Variants in PLEKHG1 observed in about 807,000 individuals in gnomAD.
The protein encoded by PLEKHG1 is pleckstrin homology and RhoGEF domain containing G1.
Under a neutral mutation model 100.8 loss-of-function variants are expected in PLEKHG1, and 44 were observed. That is an observed-to-expected ratio of 0.44 (90% CI 0.34 to 0.56). The LOEUF is 0.56. PLEKHG1 is among the 20% of genes least tolerant of loss of function. The pLI is 0.01. For synonymous variants in PLEKHG1, 640 were observed against 662.5 expected (o/e 0.97, Z 0.52); for missense variants, 1,545 against 1,720.9 (o/e 0.90, Z 1.81).
intron 2 of PLEKHG1, among the ~76,000 whole-genome samples, chr6:150,741,832 C>T (rs1782874581): frequency 6.6e-6 from 1 of 152,208 alleles, no homozygotes; most frequent in Non-Finnish European, 1.5e-5. Context: ...GTACCATAGA[C>T]GTTCTGGACT....
At chr6:150,792,600 A>G (rs1786056182) in intron 4 of PLEKHG1, among the ~76,000 whole-genome samples, 1 of 149,314 alleles carries the variant, frequency 6.7e-6, no homozygotes, top group South Asian at 2.2e-4. Context: ...CTTGAACCCA[A>G]GAGGCAAAGG....
At chr6:150,777,521 G>C (rs1785051945) in intron 3 of PLEKHG1, among the ~76,000 whole-genome samples, 1 of 147,064 alleles carries the variant, frequency 6.8e-6, no homozygotes, top group African/African-American at 2.5e-5. Flanking sequence ...ATGCAATCCT[G>C]GTGCACATGT....
intron 1 of PLEKHG1, among the ~76,000 whole-genome samples, chr6:150,729,985 C>T (rs1286991663): frequency 2.6e-5 from 4 of 152,166 alleles, no homozygotes. Flanking sequence ...GTTTTTATTC[C>T]TCTTTAATCC....
At chr6:150,619,093 A>C (rs1777188306) in intron 1 of PLEKHG1, among the ~76,000 whole-genome samples, 1 of 152,142 alleles carries the variant, frequency 6.6e-6, no homozygotes. Context: ...AAAAAAAGAA[A>C]AAGAAAAAAC....
intron 1 of PLEKHG1, among the ~76,000 whole-genome samples, chr6:150,602,813 G>A (rs1776408809): frequency 6.6e-6 from 1 of 152,064 alleles, no homozygotes; most frequent in African/African-American, 2.4e-5. Context: ...AAGAAATGTT[G>A]GTTGCATGGA....
intron 12 of PLEKHG1, 57 bp from the exon 14 acceptor site, chr6:150,821,138 A>G (rs2128678844): frequency 1.4e-6 from 2 of 1,381,894 alleles, no homozygotes; most frequent in Non-Finnish European, 1.0e-6. Context: ...TATAAAGAAT[A>G]AAGAAAAAGG....
chr6:150,620,488 C>G (rs1364983910), intron 1 of PLEKHG1, among the ~76,000 whole-genome samples: 2 of 152,216 alleles, frequency 1.3e-5, no homozygotes, highest in African/African-American at 4.8e-5. Flanking sequence ...AGGGGAAGGG[C>G]TCTATGTAAA....
intron 7 of PLEKHG1, among the ~76,000 whole-genome samples, chr6:150,808,510 G>T (rs1242062167): frequency 6.6e-6 from 1 of 152,058 alleles, no homozygotes; most frequent in Non-Finnish European, 1.5e-5. Flanking sequence ...AGCACTTTCA[G>T]AGGTATAGGT....
In PLEKHG1 at chr6:150,651,350, C is replaced by T. The variant is rs1582885161; in HGVS notation, c.-99+564C>T. Among the ~76,000 whole-genome samples the T allele has an allele frequency of 3.9e-5, 6 of 152,094 alleles. No homozygotes were observed. In the South Asian group the frequency reaches 1.2e-3, roughly 32 times the overall value. On this transcript the variant is annotated intron_variant, in intron 3 of 3. Transcript: ENST00000367326. ...CCGATTTGAAGTGATTCTCCTGCCT[C>T]AGCCTCCGGAGTAGTTGGGATAACA...
chr6:150,755,242 C>T (rs998164732), intron 2 of PLEKHG1, among the ~76,000 whole-genome samples: 1 of 152,036 alleles, frequency 6.6e-6, no homozygotes, highest in Non-Finnish European at 1.5e-5. Context: ...TCCCAAAGTG[C>T]TAGGACTATA....
In PLEKHG1 at chr6:150,683,540, G is replaced by A. The variant is rs1268589765; in HGVS notation, c.-99+32754G>A. The A allele has an allele frequency of 3.8e-6, 1 of 261,038 alleles. No homozygotes were observed. The highest frequency in any genetic ancestry group is 7.6e-6 in the Non-Finnish European group (1 of 132,368). The allele number at this position is 261,038 out of a possible 1,614,324, so 16.2% of individuals were successfully genotyped here. A position where few individuals can be genotyped will look rare whatever the true frequency, so the allele number is the denominator to read the frequency against. On this transcript the variant is annotated intron_variant, in intron 3 of 3. Transcript: ENST00000367326. The surrounding 1 kb of genome is among the most constrained non-coding windows in gnomAD (Gnocchi z 4.0). ...AGGGTGGCGCTGACCTCCCAGACAG[G>A]ACATTACCCTTCTTCCTCTTCCTGA...
chr6:150,728,058 T>C (rs1279639184), intron 1 of PLEKHG1, among the ~76,000 whole-genome samples: 1 of 152,178 alleles, frequency 6.6e-6, no homozygotes. Flanking sequence ...ACCTCCCAAC[T>C]CTATTTTTGC....
Position 150,768,757 on chromosome 6 carries a change from G to T in PLEKHG1, c.512+19G>T, listed in dbSNP as rs781644029. The T allele has an allele frequency of 3.8e-5, 52 of 1,353,516 alleles. No individual in the cohort carries two copies. Among genetic ancestry groups the T allele is most frequent in the Non-Finnish European group, 4.9e-5 (46 of 943,166 alleles). 83.8% of individuals were successfully genotyped at this position (1,353,516 alleles called of 1,614,324 possible). A position where few individuals can be genotyped will look rare whatever the true frequency, so the allele number is the denominator to read the frequency against. On this transcript the variant is annotated intron_variant, in intron 3 of 15. Coordinates refer to ENST00000358517, the Ensembl canonical transcript of PLEKHG1. ...TCAATAGGTAAGTTAATATTCAAAA[G>T]ATTGTTCTCACATACGAGCATTATG...
At chr6:150,681,998 A>G (rs977878073) in intron 3 of PLEKHG1, among the ~76,000 whole-genome samples, 6 of 152,264 alleles carry the variant, frequency 3.9e-5, no homozygotes, top group Middle Eastern at 3.4e-3. Flanking sequence ...GCCTATTAAC[A>G]CAAAGACTCT....
intron 1 of PLEKHG1, chr6:150,624,813 T>C (rs1391809102): frequency 6.6e-6 from 1 of 152,220 alleles, no homozygotes; most frequent in Non-Finnish European, 1.5e-5. Context: ...ACGAATTTCA[T>C]ACTTGAAATC....
In PLEKHG1 at chr6:150,627,673, C is replaced by T. The variant is rs150435833; in HGVS notation, c.-203-10407C>T. 4.3e-4 allele frequency among the ~76,000 whole-genome samples: 65 copies of T among 152,232 alleles called. No individual in the cohort carries two copies. The East Asian group carries it at 0.012, about 28-fold the overall frequency. On this transcript the variant is annotated intron_variant, in intron 1 of 3. Transcript: ENST00000367326. ...ATGACTGCATACCTGAAAAATCCAA[C>T]GTTGACACATAGATTTTGTTTTTTA... is the stretch of plus-strand genomic sequence containing the variant.
chr6:150,701,437 A>ATATATATT (rs1183563998), intron 3 of PLEKHG1, among the ~76,000 whole-genome samples: 1 of 67,794 alleles, frequency 1.5e-5, no homozygotes, highest in Non-Finnish European at 2.5e-5. Flanking sequence ...ATATATATAT[A>ATATATATT]TATATATATA....
At chr6:150,738,745 C>T (rs1329478576) in intron 2 of PLEKHG1, among the ~76,000 whole-genome samples, 2 of 152,172 alleles carry the variant, frequency 1.3e-5, no homozygotes, top group African/African-American at 2.4e-5. Context: ...TGCTCCTAGT[C>T]ATTTACTTTT....
chr6:150,762,496 G>A (rs553523605), intron 2 of PLEKHG1, among the ~76,000 whole-genome samples: 1 of 152,162 alleles, frequency 6.6e-6, no homozygotes, highest in Admixed American at 6.5e-5. Context: ...ACTGTGCCCG[G>A]CCCAACCCTC....
Sources: gnomAD v4.1 joint callset for allele counts (sites outside exome capture counted in the v4.1 genomes callset) on GRCh38, gnomAD v4.1.1 for gene constraint, Gnocchi (gnomAD v3.1) non-coding constraint, MANE v1.5 for transcripts, NCBI Gene and HGNC (gene_info 2026-07-23, HGNC 2026-07-21) for gene names.